The following ARMH3 variants were observed in gnomAD, a reference collection of about 807,000 sequenced individuals.
ARMH3 encodes the protein armadillo like helical domain containing 3.
ARMH3 carries 60 observed loss-of-function variants against 99.1 expected under a neutral mutation model. The observed-to-expected ratio is 0.61, with a 90% CI of 0.49 to 0.75. The LOEUF is 0.75. Ranked by LOEUF, ARMH3 falls within the 30% of genes least tolerant of loss-of-function variation. The probability of loss-of-function intolerance (pLI) is 0.00; values close to 1 mark genes in which losing one functional copy is unlikely to be tolerated. For synonymous variants in ARMH3, 285 were observed against 292.8 expected (o/e 0.97, Z 0.27); for missense variants, 679 against 843.1 (o/e 0.81, Z 2.41).
chr10:102,033,475 T>C (rs1025141221), intron 2 of ARMH3, 136 bp from the exon 3 acceptor site: 11 of 951,180 alleles, frequency 1.2e-5, no homozygotes, highest in African/African-American at 8.3e-5. Flanking sequence ...TGGAGTACAG[T>C]GGCGTGATCT....
intron 19 of ARMH3, among the ~76,000 whole-genome samples, chr10:101,987,788 A>G (rs1245045548): frequency 6.6e-6 from 1 of 152,132 alleles, no homozygotes; most frequent in Non-Finnish European, 1.5e-5. Context: ...CTTACCAACA[A>G]CCATTAGGTG....
intron 23 of ARMH3, among the ~76,000 whole-genome samples, chr10:101,909,312 C>G (rs1345264773): frequency 6.6e-6 from 1 of 150,966 alleles, no homozygotes; most frequent in Middle Eastern, 3.4e-3. Flanking sequence ...AAGGCTGATG[C>G]AAGAGGACTG....
At chr10:102,044,091 C>CTTT (rs778226635) in intron 1 of ARMH3, among the ~76,000 whole-genome samples, 8 of 104,168 alleles carry the variant, frequency 7.7e-5, no homozygotes, top group Non-Finnish European at 1.6e-4. Context: ...TAATTTTTTT[C>CTTT]TTTTTTTTTT....
intron 15 of ARMH3, among the ~76,000 whole-genome samples, chr10:102,000,790 A>C (rs965220085): frequency 6.6e-6 from 1 of 151,244 alleles, no homozygotes; most frequent in South Asian, 2.1e-4. Context: ...AAAAATAAAA[A>C]GTTCTAGAGA....
chr10:101,921,927 A>AG (rs1456242724), intron 23 of ARMH3, among the ~76,000 whole-genome samples: 1 of 152,210 alleles, frequency 6.6e-6, no homozygotes, highest in Non-Finnish European at 1.5e-5. Flanking sequence ...ATAGCAGAGT[A>AG]GGGTGACTAC....
At chr10:101,920,587 C>A (rs995136331) in intron 23 of ARMH3, among the ~76,000 whole-genome samples, 3 of 151,948 alleles carry the variant, frequency 2.0e-5, no homozygotes, top group African/African-American at 7.3e-5. Flanking sequence ...CTATGAGAAT[C>A]CAAGTGAAAA....
intron 24 of ARMH3, among the ~76,000 whole-genome samples, chr10:101,882,195 C>T (rs1010498902): frequency 6.6e-6 from 1 of 152,122 alleles, no homozygotes; most frequent in Non-Finnish European, 1.5e-5. Context: ...TGGGATATTT[C>T]AAAGGCATAA....
At chr10:101,889,979 G>A (rs544807282) in intron 23 of ARMH3, among the ~76,000 whole-genome samples, 3 of 152,066 alleles carry the variant, frequency 2.0e-5, no homozygotes, top group African/African-American at 7.2e-5. Flanking sequence ...CAACCCAAAA[G>A]CTGAGTGTCA....
intron 24 of ARMH3, among the ~76,000 whole-genome samples, chr10:101,850,808 A>C (rs1483047512): frequency 2.0e-5 from 3 of 152,128 alleles, no homozygotes; most frequent in Admixed American, 2.0e-4. Context: ...GTACGGCAAA[A>C]GAGCATGAGA....
At chr10:101,960,074 A>G (rs1002848576) in intron 20 of ARMH3, among the ~76,000 whole-genome samples, 1 of 152,048 alleles carries the variant, frequency 6.6e-6, no homozygotes, top group African/African-American at 2.4e-5. Context: ...GCTACTCGAG[A>G]GGCTGAGGCA....
rs746024965 is a variant in ARMH3, at chr10:102,033,135, A to G, written c.197T>C (p.Leu66Pro). 2 of 1,614,172 alleles carry G rather than the reference A, an allele frequency of 1.2e-6. No individual in the cohort carries two copies. The highest frequency in any genetic ancestry group is 1.1e-5 in the South Asian group (1 of 91,088). ...GATCTTCATTAACTCCTCACCATCA[A>G]GAGATTCCAGCTTGCCTTCTAGGTA... ...LEYLEGKLES[L>P]DGEELMKIKD... Residue 66 changes from leucine to proline, a missense_variant, in exon 4 of 26, where the codon CTT (leucine) becomes CCT (proline). By Grantham distance (98) the Leu-to-Pro change is moderately conservative. This residue lies in a region of ARMH3 where 280 missense variants were observed against 354.6 expected (regional missense o/e 0.79). Coordinates refer to ENST00000370033, the MANE Select transcript of ARMH3 (RefSeq NM_024541.3).
At position 102,050,397 on chromosome 10, in the gene ARMH3, G is replaced by A. The variant is rs1013583534; in HGVS notation, c.-12+5688C>T. Among the ~76,000 whole-genome samples, 25 of 152,024 alleles carry A rather than the reference G, an allele frequency of 1.6e-4. 1 individual carries two copies. Among genetic ancestry groups the A allele is most frequent in the Admixed American group, 7.2e-4 (11 of 15,252 alleles). ...CGAGAGGTGGAGCTTGCAGTAAGCC[G>A]AGATCGCGCCACTGCACTCCAGCCC... On this transcript the variant is annotated intron_variant, in intron 1 of 25. Transcript: ENST00000370033.
chr10:101,946,714 G>A (rs1163848685), intron 22 of ARMH3, among the ~76,000 whole-genome samples: 4 of 152,140 alleles, frequency 2.6e-5, no homozygotes, highest in African/African-American at 7.2e-5. Flanking sequence ...TCTCAGAAAA[G>A]GAGGAGACAG....
chr10:101,929,810 T>C lies in ARMH3; in HGVS notation c.1781+10053A>G, dbSNP rs148608631. ...AAATGAGATAGCAATACCTCTTTGGTCTGCAGATATTGCATATGGACATAA... is the reference window on the plus strand; with the variant it reads ...AAATGAGATAGCAATACCTCTTTGGCCTGCAGATATTGCATATGGACATAA... On this transcript the variant is annotated intron_variant, in intron 23 of 25. Coordinates refer to ENST00000370033, the MANE Select transcript of ARMH3 (RefSeq NM_024541.3). Among the ~76,000 whole-genome samples the C allele has an allele frequency of 6.6e-5, 10 of 152,354 alleles. No homozygotes were observed. The East Asian group carries it at 1.7e-3, about 26-fold the overall frequency.
Position 101,889,417 on chromosome 10 carries a change from C to T in ARMH3, c.1855G>A (p.Glu619Lys), listed in dbSNP as rs1191277140. ...TGGGGAAAGTAGTGGCTTACCTGCT[C>T]CTCTGACAGTTGGGATATGTGATTC... ...AVNHISQLSE[E>K]QVLEVVRANY... Residue 619 changes from glutamate (E) to lysine (K), a missense_variant, in exon 24 of 26, where the codon GAG becomes AAG. Physicochemically the swap from Glu to Lys is moderately conservative, Grantham distance 56 (BLOSUM62 1). Around this residue, in one of 3 missense-constraint regions of ARMH3, gnomAD observed 389 missense variants for 456.5 expected, o/e 0.85. Coordinates refer to ENST00000370033, the MANE Select transcript of ARMH3 (RefSeq NM_024541.3). The T allele has an allele frequency of 6.2e-7, 1 of 1,613,196 alleles. No individual in the cohort carries two copies. The highest frequency in any genetic ancestry group is 1.3e-5 in the African/African-American group (1 of 74,906).
chr10:101,922,920 T>C (rs1843359511), intron 23 of ARMH3, among the ~76,000 whole-genome samples: 1 of 152,204 alleles, frequency 6.6e-6, no homozygotes. Flanking sequence ...ATGAAAATGG[T>C]GTCTAATGAG....
At chr10:101,944,698 CA>C (rs1378991173) in intron 22 of ARMH3, among the ~76,000 whole-genome samples, 2 of 152,034 alleles carry the variant, frequency 1.3e-5, no homozygotes, top group Non-Finnish European at 2.9e-5. Context: ...CCTGTAATCT[CA>C]GCTACTCGGG....
intron 13 of ARMH3, among the ~76,000 whole-genome samples, chr10:102,006,994 C>T (rs1468690134): frequency 6.6e-6 from 1 of 151,544 alleles, no homozygotes; most frequent in Admixed American, 6.6e-5. Flanking sequence ...AACCCCGTCT[C>T]TACTAAAATA....
chr10:101,999,804 G>A (rs1413057115), intron 15 of ARMH3, among the ~76,000 whole-genome samples: 1 of 152,128 alleles, frequency 6.6e-6, no homozygotes, highest in African/African-American at 2.4e-5. Context: ...ATTCAGCCAG[G>A]CCGGGCGTGG....
Sources: allele counts gnomAD v4.1 joint callset (sites outside exome capture counted in the v4.1 genomes callset), GRCh38; gene constraint gnomAD v4.1.1; regional missense constraint gnomAD v4.1.1; transcripts MANE v1.5; gene names NCBI Gene and HGNC (gene_info 2026-07-23, HGNC 2026-07-21).